Variants in OR56A1 observed in about 807,000 individuals in gnomAD.
The protein encoded by OR56A1 is olfactory receptor 56A1.
For synonymous variants in OR56A1, 174 were observed against 159.1 expected, an observed-to-expected ratio of 1.09 and a Z score of -0.70; for missense variants, 360 against 380.9, an observed-to-expected ratio of 0.94 and a Z score of 0.46.
rs904416148 is a variant in OR56A1, at chr11:6,023,515, A to G, written c.*3233T>C. 2.0e-5 allele frequency: 3 copies of G among 152,148 alleles called. No individual in the cohort carries two copies. The highest frequency in any genetic ancestry group is 2.9e-5 in the Non-Finnish European group (2 of 68,010). 9.4% of individuals were successfully genotyped at this position (152,148 alleles called of 1,614,324 possible). On this transcript the variant is annotated 3_prime_UTR_variant, in exon 2 of 2. Transcript: ENST00000641900. ...AAGTCAGCTATGGTATTGAATAGCA[A>G]TGTGCAATGATATCAGATCTTCCTG...
rs542559477 is a variant in OR56A1 at position 6,024,206 on chromosome 11, G to C, written c.*2542C>G. 4 of 152,320 alleles carry C rather than the reference G, an allele frequency of 2.6e-5. No homozygotes were observed. The highest frequency in any genetic ancestry group is 9.6e-5 in the African/African-American group (4 of 41,562). The allele number at this position is 152,320 out of a possible 1,614,324, so 9.4% of individuals were successfully genotyped here. ...ATGTTTACTGAGCCCCTCAATATGT[G>C]AGAGCTGTGCTAGTTACTGTGAGGG... On this transcript the variant is annotated 3_prime_UTR_variant, in exon 2 of 2. Transcript: ENST00000641900.
Position 6,026,942 on chromosome 11 carries a change from T to G in OR56A1, c.751A>C (p.Ile251Leu). The G allele has an allele frequency of 6.2e-7, 1 of 1,614,130 alleles. No individual in the cohort carries two copies. Among genetic ancestry groups the G allele is most frequent in the Non-Finnish European group, 8.5e-7 (1 of 1,180,010 alleles). ...LSTCGSHFIL[I>L]LFFSTILLVV... is the part of the protein sequence containing the mutation. ...AGCAGTATGGTGCTGAAGAAAAGAATGAGGATGAAGTGGGAGCCACATGTG... is the reference window on the plus strand; with the variant it reads ...AGCAGTATGGTGCTGAAGAAAAGAAGGAGGATGAAGTGGGAGCCACATGTG... The change falls in exon 2 of 2, where the codon ATT becomes CTT. Residue 251 changes from isoleucine to leucine, a missense_variant. Transcript: ENST00000641900.
In OR56A1 at chr11:6,026,689, C is replaced by G; in HGVS notation, c.*59G>C. 2 of 1,065,768 alleles carry G rather than the reference C, an allele frequency of 1.9e-6. No individual in the cohort carries two copies. The highest frequency in any genetic ancestry group is 2.4e-5 in the East Asian group (1 of 42,280). The allele number at this position is 1,065,768 out of a possible 1,614,324, so 66.0% of individuals were successfully genotyped here. A position where few individuals can be genotyped will look rare whatever the true frequency, so the allele number is the denominator to read the frequency against. ...CACTAACTGACATTTCTCTACTTCG[C>G]TGCCTAGGTAAAATCACTGAAGAGG... On this transcript the variant is annotated 3_prime_UTR_variant, in exon 2 of 2. Coordinates refer to ENST00000641900, the MANE Select transcript of OR56A1 (RefSeq NM_001388488.1).
At chr11:6,028,657 G>T (rs1014827964) in intron 1 of OR56A1, among the ~76,000 whole-genome samples, 2 of 152,108 alleles carry the variant, frequency 1.3e-5, no homozygotes, top group Non-Finnish European at 2.9e-5. Flanking sequence ...ATGCCAACAT[G>T]TATAAGGGAA....
rs1370083531 is a variant in OR56A1, at chr11:6,024,586, A to G, written c.*2162T>C. On this transcript the variant is annotated 3_prime_UTR_variant, in exon 2 of 2. Coordinates refer to ENST00000641900, the MANE Select transcript of OR56A1 (RefSeq NM_001388488.1). Reference sequence around the variant, plus strand: ...ATTATATCCTATTAGATTCCTTTTTAAAAACTCACTTTTATGATCACGTAT... The same window carrying G: ...ATTATATCCTATTAGATTCCTTTTTGAAAACTCACTTTTATGATCACGTAT... The G allele has an allele frequency of 6.6e-6, 1 of 152,196 alleles. No individual in the cohort carries two copies. The highest frequency in any genetic ancestry group is 1.5e-5 in the Non-Finnish European group (1 of 68,030). 9.4% of individuals were successfully genotyped at this position (152,196 alleles called of 1,614,324 possible).
chr11:6,026,189 C>A lies in OR56A1; in HGVS notation c.*559G>T, dbSNP rs1327132348. On this transcript the variant is annotated 3_prime_UTR_variant, in exon 2 of 2. Transcript: ENST00000641900. The stretch of plus-strand genomic sequence containing the variant: ...CATTGCTTTATATTGTTATAAAGTT[C>A]TTTTCTTCTTGCCCAGCAGAAGTTT... 6.5e-6 allele frequency: 1 copy of A among 153,330 alleles called. No individual in the cohort carries two copies. The highest frequency in any genetic ancestry group is 2.4e-5 in the African/African-American group (1 of 41,432). 9.5% of individuals were successfully genotyped at this position (153,330 alleles called of 1,614,324 possible). A position where few individuals can be genotyped will look rare whatever the true frequency, so the allele number is the denominator to read the frequency against.
chr11:6,033,783 T>A (rs534189610), upstream of OR56A1, among the ~76,000 whole-genome samples: 1 of 152,048 alleles, frequency 6.6e-6, no homozygotes, highest in Non-Finnish European at 1.5e-5. Context: ...GAAAAAATGA[T>A]CTTGATTAAA....
intron 1 of OR56A1, among the ~76,000 whole-genome samples, 182 bp downstream of exon 1, chr11:6,030,520 A>G (rs970032554): frequency 2.0e-5 from 3 of 152,120 alleles, no homozygotes; most frequent in African/African-American, 7.2e-5. Context: ...GAGGAAGGAA[A>G]GCAGGCAATG....
intron 1 of OR56A1, 135 bp from the exon 2 acceptor site, chr11:6,027,861 A>G: frequency 3.3e-6 from 2 of 609,536 alleles, no homozygotes; most frequent in Non-Finnish European, 2.9e-6. Flanking sequence ...CAATATTCTA[A>G]AGGTAGAATT....
In OR56A1 at chr11:6,019,378, A is replaced by T. The variant is rs1212769993; in HGVS notation, c.*7370T>A. 6.6e-6 allele frequency: 1 copy of T among 152,170 alleles called. No homozygotes were observed. Among genetic ancestry groups the T allele is most frequent in the Non-Finnish European group, 1.5e-5 (1 of 67,992 alleles). The allele number at this position is 152,170 out of a possible 1,614,324, so 9.4% of individuals were successfully genotyped here. A position where few individuals can be genotyped will look rare whatever the true frequency, so the allele number is the denominator to read the frequency against. On this transcript the variant is annotated 3_prime_UTR_variant, in exon 2 of 2. Transcript: ENST00000641900. ...AAAATGGTTCAACGCATGCAAATCA[A>T]TAAATGTGATACATCATGTATTAGT...
Position 6,027,048 on chromosome 11 carries a change from G to C in OR56A1, c.645C>G (p.Phe215Leu), listed in dbSNP as rs1486385261. Reference protein sequence around the residue: ...AGWTLLGSDLFLIFLSYTFIL... With the variant: ...AGWTLLGSDLLLIFLSYTFIL... Reference sequence around the variant, plus strand: ...TGAAGGTGTAAGAGAGGAAGATGAGGAATAAATCTGAGCCCAGCAAGGTCC... The same window carrying C: ...TGAAGGTGTAAGAGAGGAAGATGAGCAATAAATCTGAGCCCAGCAAGGTCC... The change falls in exon 2 of 2, where the codon TTC (phenylalanine) becomes TTG (leucine). Residue 215 changes from phenylalanine (F) to leucine (L), a missense_variant. By Grantham distance (22) the Phe-to-Leu change is conservative (BLOSUM62 0). Transcript: ENST00000641900. The C allele has an allele frequency of 1.2e-6, 2 of 1,614,072 alleles. No individual in the cohort carries two copies. Among genetic ancestry groups the C allele is most frequent in the Admixed American group, 1.7e-5 (1 of 60,006 alleles).
At position 6,027,269 on chromosome 11, in the gene OR56A1, G is replaced by A; in HGVS notation, c.424C>T (p.Gln142Ter). ...AAGACACTAGCTTTGGCCACAAATT[G>A]ATTAGTGATGATGGATGGGTACCGC... is the stretch of plus-strand genomic sequence containing the variant. ...PLRYPSIITN[Q>*]FVAKASVFIV... The change falls in exon 2 of 2, where the codon CAA becomes TAA. Residue 142 changes from glutamine to a stop codon, truncating the protein, a stop_gained. Coordinates refer to ENST00000641900, the MANE Select transcript of OR56A1 (RefSeq NM_001388488.1). LOFTEE classifies it low-confidence loss of function (END_TRUNC). 1 of 1,614,194 alleles carries A rather than the reference G, an allele frequency of 6.2e-7. No individual in the cohort carries two copies. The highest frequency in any genetic ancestry group is 8.5e-7 in the Non-Finnish European group (1 of 1,180,032).
upstream of OR56A1, among the ~76,000 whole-genome samples, chr11:6,030,984 A>G (rs1419693088): frequency 6.6e-6 from 1 of 152,234 alleles, no homozygotes; most frequent in African/African-American, 2.4e-5. Context: ...ACATATGAGC[A>G]GAATAATAGG....
chr11:6,028,993 T>C (rs1297180969), intron 1 of OR56A1, among the ~76,000 whole-genome samples: 1 of 152,134 alleles, frequency 6.6e-6, no homozygotes, highest in Non-Finnish European at 1.5e-5. Flanking sequence ...GCAACGTAGA[T>C]AGAACTGGAG....
rs141404128 is a variant in OR56A1 at position 6,026,942 on chromosome 11, T to C, written c.751A>G (p.Ile251Val). Reference protein sequence around the residue: ...LSTCGSHFILILFFSTILLVV... With the variant: ...LSTCGSHFILVLFFSTILLVV... Reference sequence around the variant, plus strand: ...AGCAGTATGGTGCTGAAGAAAAGAATGAGGATGAAGTGGGAGCCACATGTG... The same window carrying C: ...AGCAGTATGGTGCTGAAGAAAAGAACGAGGATGAAGTGGGAGCCACATGTG... The change falls in exon 2 of 2, where the codon ATT (isoleucine) becomes GTT (valine). Residue 251 changes from isoleucine (I) to valine (V), a missense_variant. Physicochemically the swap from Ile to Val is conservative, Grantham distance 29 (BLOSUM62 3). Coordinates refer to ENST00000641900, the MANE Select transcript of OR56A1 (RefSeq NM_001388488.1). 8.0e-5 allele frequency: 129 copies of C among 1,614,130 alleles called. No homozygotes were observed. In the African/African-American group the frequency reaches 1.4e-3, roughly 18 times the overall value.
Position 6,026,020 on chromosome 11 carries a change from A to T in OR56A1, c.*728T>A, listed in dbSNP as rs1184386997. On this transcript the variant is annotated 3_prime_UTR_variant, in exon 2 of 2. Coordinates refer to ENST00000641900, the MANE Select transcript of OR56A1 (RefSeq NM_001388488.1). ...TTCACTGAATGTGTAGCTTAAACAT[A>T]TAGGGAAAGTGGCCAACACAATGTC... 1 of 152,216 alleles carries T rather than the reference A, an allele frequency of 6.6e-6. No homozygotes were observed. Among genetic ancestry groups the T allele is most frequent in the Non-Finnish European group, 1.5e-5 (1 of 68,040 alleles). 9.4% of individuals were successfully genotyped at this position (152,216 alleles called of 1,614,324 possible).
chr11:6,030,522 C>T (rs1441283431), intron 1 of OR56A1, among the ~76,000 whole-genome samples, 180 bp downstream of exon 1: 1 of 152,052 alleles, frequency 6.6e-6, no homozygotes, highest in African/African-American at 2.4e-5. Context: ...GGAAGGAAAG[C>T]AGGCAATGCC....
rs201717729 is a variant in OR56A1, at chr11:6,026,978, T to C, written c.715A>G (p.Lys239Glu). Reference sequence around the variant, plus strand: ...TGGGAGCCACATGTGCTCAGGGCCTTCACTGCCGCCCCCTCTGCTTTGAAT... The same window carrying C: ...TGGGAGCCACATGTGCTCAGGGCCTCCACTGCCGCCCCCTCTGCTTTGAAT... ...LRFKAEGAAV[K>E]ALSTCGSHFI... The change falls in exon 2 of 2, where the codon AAG (lysine) becomes GAG (glutamate). Residue 239 changes from lysine to glutamate, a missense_variant. By Grantham distance (56) the Lys-to-Glu change is moderately conservative. Coordinates refer to ENST00000641900, the MANE Select transcript of OR56A1 (RefSeq NM_001388488.1). 5.0e-6 allele frequency: 8 copies of C among 1,614,106 alleles called. No homozygotes were observed. The highest frequency in any genetic ancestry group is 1.7e-5 in the Admixed American group (1 of 60,028).
upstream of OR56A1, among the ~76,000 whole-genome samples, chr11:6,033,801 A>G (rs777212425): frequency 6.6e-6 from 1 of 152,130 alleles, no homozygotes; most frequent in Non-Finnish European, 1.5e-5. Context: ...AAATATGAAG[A>G]ATGTTCTAAC....
Sources: gnomAD v4.1 joint callset for allele counts (sites outside exome capture counted in the v4.1 genomes callset) on GRCh38, gnomAD v4.1.1 for gene constraint, MANE v1.5 for transcripts, NCBI Gene and HGNC (gene_info 2026-07-23, HGNC 2026-07-21) for gene names.